CCDC171: variants seen among roughly 807,000 people sequenced by gnomAD.
The protein encoded by CCDC171 is coiled-coil domain containing 171.
A neutral mutation model predicts 168.2 loss-of-function variants in CCDC171; 177 were observed. That is an observed-to-expected ratio of 1.05 (90% CI 0.93 to 1.19). The LOEUF (loss-of-function observed/expected upper bound fraction) is 1.19. Among genes scored for constraint, CCDC171 ranks in the 50% most tolerant of loss-of-function variants. The pLI is 0.00. For missense variants in CCDC171, 1,991 were observed against 1,539.0 expected (o/e 1.29, Z -4.91); for synonymous variants, 687 against 540.8 (o/e 1.27, Z -3.75).
the CCDC171 span, among the ~76,000 whole-genome samples, chr9:16,081,091 T>G: frequency 6.6e-6 from 1 of 152,178 alleles, no homozygotes; most frequent in African/African-American, 2.4e-5. Flanking sequence ...GGGCCACCTC[T>G]CCTACCCAAA....
At chr9:15,838,404 A>T (rs540915096) in intron 21 of CCDC171, among the ~76,000 whole-genome samples, 1 of 152,184 alleles carries the variant, frequency 6.6e-6, no homozygotes, top group Admixed American at 6.5e-5. Context: ...TTAGACAGTT[A>T]TAGTTTATAT....
chr9:15,932,204 A>G (rs935193740), intron 25 of CCDC171, among the ~76,000 whole-genome samples: 5 of 151,944 alleles, frequency 3.3e-5, no homozygotes, highest in Non-Finnish European at 5.9e-5. Flanking sequence ...TTTGGGCAGT[A>G]TGGCCATTTT....
chr9:15,771,131 T>A lies in CCDC171; in HGVS notation c.2672-6469T>A, dbSNP rs565447760. 1.6e-3 allele frequency among the ~76,000 whole-genome samples: 240 copies of A among 152,272 alleles called. 1 individual carries two copies. Among genetic ancestry groups the A allele is most frequent in the South Asian group, 3.5e-3 (17 of 4,818 alleles). On this transcript the variant is annotated intron_variant, in intron 18 of 25. Transcript: ENST00000380701. ...TTTGATGAGTATTTATTTTTTCTTA[T>A]TTTTTTCGCCATTTTAAGCAATATT...
intron 21 of CCDC171, among the ~76,000 whole-genome samples, chr9:15,805,119 G>A (rs1273581967): frequency 6.6e-6 from 1 of 151,818 alleles, no homozygotes; most frequent in African/African-American, 2.4e-5. Flanking sequence ...ATTTCTGATT[G>A]TGTTTATTTG....
chr9:15,857,293 A>G (rs2061382292), intron 23 of CCDC171, among the ~76,000 whole-genome samples: 1 of 151,926 alleles, frequency 6.6e-6, no homozygotes, highest in Admixed American at 6.6e-5. Context: ...TATCCATGAA[A>G]TCGTTGCAAA....
chr9:16,055,024 G>A (rs914983544), intron 1 of CCDC171, among the ~76,000 whole-genome samples: 8 of 152,212 alleles, frequency 5.3e-5, no homozygotes, highest in Non-Finnish European at 1.2e-4. Flanking sequence ...CAGGTGAGAG[G>A]GGGCAGTGGC....
At chr9:15,793,737 C>T (rs992084932) in intron 21 of CCDC171, among the ~76,000 whole-genome samples, 25 of 151,746 alleles carry the variant, frequency 1.6e-4, no homozygotes, top group Admixed American at 1.5e-3. Flanking sequence ...TTTATTAGGA[C>T]AGTGTTTCAC....
chr9:15,861,054 TCTAATC>T (rs71325941), intron 23 of CCDC171, among the ~76,000 whole-genome samples: 131,651 of 150,994 alleles, frequency 0.87, 57,486 homozygotes, highest in East Asian at 0.98. Context: ...GTTTTTGGCT[TCTAATC>T]CTAATCTATT....
chr9:15,869,109 A>G (rs1340984292), intron 23 of CCDC171, among the ~76,000 whole-genome samples: 1 of 152,026 alleles, frequency 6.6e-6, no homozygotes, highest in Non-Finnish European at 1.5e-5. Flanking sequence ...AGCTTAAAAT[A>G]TATACTTTCA....
intron 25 of CCDC171, among the ~76,000 whole-genome samples, chr9:15,960,822 C>T (rs1281136743): frequency 1.3e-5 from 2 of 152,108 alleles, no homozygotes; most frequent in South Asian, 2.1e-4. Flanking sequence ...TAGCCAGTCC[C>T]TCCAGAAAGG....
intron 21 of CCDC171, among the ~76,000 whole-genome samples, chr9:15,835,631 T>TGCA (rs1252919758): frequency 6.6e-6 from 1 of 152,186 alleles, no homozygotes; most frequent in Non-Finnish European, 1.5e-5. Flanking sequence ...TTCACCATGT[T>TGCA]GGTCAGGCTG....
chr9:15,653,165 G>T (rs562027632), intron 7 of CCDC171, among the ~76,000 whole-genome samples: 2 of 148,190 alleles, frequency 1.3e-5, no homozygotes, highest in African/African-American at 5.3e-5. Context: ...TTTAGCTGGG[G>T]TCTCGTTCCT....
At chr9:15,991,839 T>A (rs1351734116) in intron 3 of CCDC171, among the ~76,000 whole-genome samples, 2 of 152,082 alleles carry the variant, frequency 1.3e-5, no homozygotes, top group East Asian at 3.9e-4. Flanking sequence ...AAGAAATGGA[T>A]AAATTCCTGG....
rs1469753641 is a variant in CCDC171, at chr9:15,744,386, A to G, written c.2163A>G (p.Gln721=). ...TCAAAAAACTGTTATCACAGACTCAAAGGGAACAGATGTCCTTGCTGGCAG... is the reference window on the plus strand; with the variant it reads ...TCAAAAAACTGTTATCACAGACTCAGAGGGAACAGATGTCCTTGCTGGCAG... ...SHFKKLLSQT[Q]REQMSLLAAC... Residue 721 remains glutamine, a synonymous_variant, in exon 17 of 26, where the codon CAA becomes CAG. Coordinates refer to ENST00000380701, the MANE Select transcript of CCDC171 (RefSeq NM_173550.4). The G allele has an allele frequency of 1.2e-6, 2 of 1,614,184 alleles. No individual in the cohort carries two copies. The highest frequency in any genetic ancestry group is 1.3e-5 in the African/African-American group (1 of 75,056).
chr9:15,711,083 G>GT (rs2052629417), intron 11 of CCDC171, among the ~76,000 whole-genome samples: 1 of 152,102 alleles, frequency 6.6e-6, no homozygotes, highest in South Asian at 2.1e-4. Flanking sequence ...TTCTGTATCT[G>GT]TTGTTCTAGT....
chr9:15,661,238 C>T (rs1358615636), intron 8 of CCDC171, among the ~76,000 whole-genome samples: 2 of 149,514 alleles, frequency 1.3e-5, no homozygotes, highest in East Asian at 3.9e-4. Context: ...AGAGATTGCA[C>T]CACTGAAATC....
Position 15,781,783 on chromosome 9 carries a change from G to T in CCDC171, c.3081+2633G>T, listed in dbSNP as rs570152973. 8.1e-4 allele frequency among the ~76,000 whole-genome samples: 123 copies of T among 152,284 alleles called. 1 individual carries two copies. Among genetic ancestry groups the T allele is most frequent in the Non-Finnish European group, 1.5e-3 (103 of 68,028 alleles). ...TACGTGACGATTTCTAACATTTAGT[G>T]ATCGTGTTGACCAGGTATCAGACAC... On this transcript the variant is annotated intron_variant, in intron 20 of 25. Coordinates refer to ENST00000380701, the MANE Select transcript of CCDC171 (RefSeq NM_173550.4).
intron 18 of CCDC171, chr9:15,776,208 C>T (rs1353642016): frequency 1.3e-5 from 2 of 151,978 alleles, no homozygotes; most frequent in African/African-American, 4.8e-5. Context: ...CACAAACTTG[C>T]GTGTCATCCT....
At chr9:15,633,619 T>C (rs1444325691) in intron 7 of CCDC171, among the ~76,000 whole-genome samples, 1 of 152,176 alleles carries the variant, frequency 6.6e-6, no homozygotes, top group Non-Finnish European at 1.5e-5. Flanking sequence ...AGTGTGGCGA[T>C]TCCTCAGGAA....
Sources: allele counts gnomAD v4.1 joint callset (sites outside exome capture counted in the v4.1 genomes callset), GRCh38; gene constraint gnomAD v4.1.1; transcripts MANE v1.5; gene names NCBI Gene and HGNC (gene_info 2026-07-23, HGNC 2026-07-21).